The following SLC39A11 variants were observed in gnomAD, a reference collection of about 807,000 sequenced individuals.
The protein encoded by SLC39A11 is solute carrier family 39 member 11, also known as zinc transporter ZIP11.
SLC39A11 carries 33 observed loss-of-function variants against 36.1 expected under a neutral mutation model. The observed-to-expected ratio is 0.91, with a 90% CI of 0.69 to 1.22. The LOEUF is 1.22. SLC39A11 is among the 50% of genes most tolerant of loss of function. The pLI is 0.00. For synonymous variants in SLC39A11, 166 were observed against 170.3 expected, an observed-to-expected ratio of 0.97 and a Z score of 0.20; for missense variants, 432 against 430.3, an observed-to-expected ratio of 1.00 and a Z score of -0.03.
chr17:72,665,387 G>A (rs2070685534), intron 7 of SLC39A11, among the ~76,000 whole-genome samples: 1 of 57,100 alleles, frequency 1.8e-5, no homozygotes, highest in South Asian at 4.8e-4. Context: ...AAGTTTTGAG[G>A]TGTTTTTTTT....
rs372799191 is a variant in SLC39A11 at position 73,088,018 on chromosome 17, T to C, written c.108+639A>G. On this transcript the variant is annotated intron_variant, in intron 2 of 9. Transcript: ENST00000255559. ...TGCTCCAGGCCTGAAAGAAATTACA[T>C]GGCAGGCCAGGCACGGTGGCTCACA... Among the ~76,000 whole-genome samples the C allele has an allele frequency of 9.9e-5, 15 of 152,266 alleles. 1 individual carries two copies. The South Asian group carries it at 2.7e-3, about 27-fold the overall frequency.
chr17:73,064,777 G>C (rs375899688), intron 3 of SLC39A11, among the ~76,000 whole-genome samples: 1 of 152,150 alleles, frequency 6.6e-6, no homozygotes, highest in Non-Finnish European at 1.5e-5. Context: ...CAACCCTGTA[G>C]CCAGCAAACC....
chr17:72,663,503 A>G (rs981198986), intron 7 of SLC39A11, among the ~76,000 whole-genome samples: 7 of 152,148 alleles, frequency 4.6e-5, no homozygotes, highest in African/African-American at 1.7e-4. Context: ...CCTGCTCCTC[A>G]TGGGCCTCTC....
chr17:72,986,929 A>G (rs914819495), intron 4 of SLC39A11, among the ~76,000 whole-genome samples: 1 of 152,236 alleles, frequency 6.6e-6, no homozygotes, highest in African/African-American at 2.4e-5. Flanking sequence ...GGTATTGTCC[A>G]ATAAACCACA....
intron 4 of SLC39A11, among the ~76,000 whole-genome samples, chr17:73,007,927 A>AC (rs2090274852): frequency 1.3e-5 from 2 of 152,068 alleles, no homozygotes; most frequent in Admixed American, 6.6e-5. Context: ...ACATGGTGAA[A>AC]CCCCATCTCA....
intron 7 of SLC39A11, among the ~76,000 whole-genome samples, chr17:72,703,210 G>T (rs904353434): frequency 4.1e-4 from 63 of 152,142 alleles, no homozygotes; most frequent in South Asian, 2.1e-4. Flanking sequence ...GCAATGAAAA[G>T]TCCTGCATGT....
chr17:72,894,837 G>T (rs2081950497), intron 5 of SLC39A11, among the ~76,000 whole-genome samples: 1 of 152,146 alleles, frequency 6.6e-6, no homozygotes, highest in Non-Finnish European at 1.5e-5. Flanking sequence ...GTCAATTTCA[G>T]TGTGGGCCTA....
At chr17:72,925,637 C>T (rs1014920209) in intron 5 of SLC39A11, among the ~76,000 whole-genome samples, 1 of 152,204 alleles carries the variant, frequency 6.6e-6, no homozygotes, top group Non-Finnish European at 1.5e-5. Flanking sequence ...GCAGTACCTG[C>T]CTATTGGCCA....
intron 5 of SLC39A11, among the ~76,000 whole-genome samples, chr17:72,906,717 C>G (rs966026471): frequency 6.6e-6 from 1 of 152,220 alleles, no homozygotes; most frequent in African/African-American, 2.4e-5. Flanking sequence ...TTTCCTTAAA[C>G]AAATCCGATT....
intron 6 of SLC39A11, among the ~76,000 whole-genome samples, chr17:72,739,736 G>C (rs139368194): frequency 1.7e-3 from 263 of 152,268 alleles, no homozygotes; most frequent in African/African-American, 6.2e-3. Context: ...TGGCTGGCTG[G>C]AGTCAGCACC....
intron 5 of SLC39A11, among the ~76,000 whole-genome samples, chr17:72,884,110 C>A (rs1017377050): frequency 6.6e-6 from 1 of 152,114 alleles, no homozygotes; most frequent in African/African-American, 2.4e-5. Flanking sequence ...GCTGTGATCA[C>A]ACCACAAAAC....
At chr17:73,009,997 T>G (rs1288196033) in intron 4 of SLC39A11, among the ~76,000 whole-genome samples, 1 of 152,042 alleles carries the variant, frequency 6.6e-6, no homozygotes, top group Non-Finnish European at 1.5e-5. Context: ...GAGTAGGTTC[T>G]GGAGCCCTCT....
chr17:72,896,192 CTTTTTTTTTTTTTTT>C (rs771180987), intron 5 of SLC39A11, among the ~76,000 whole-genome samples: 7 of 74,554 alleles, frequency 9.4e-5, no homozygotes, highest in African/African-American at 3.7e-4. Flanking sequence ...CACATTAATC[CTTTTTTTTTTTTTTT>C]TTTTTTTTTT....
intron 5 of SLC39A11, among the ~76,000 whole-genome samples, chr17:72,853,313 C>T (rs940430497): frequency 5.9e-5 from 9 of 151,918 alleles, no homozygotes; most frequent in Admixed American, 3.3e-4. Context: ...TAGGTATGAG[C>T]CACTGCACCT....
At chr17:72,873,054 C>CAAAAAAAA (rs1197695347) in intron 5 of SLC39A11, among the ~76,000 whole-genome samples, 1 of 52,052 alleles carries the variant, frequency 1.9e-5, no homozygotes, top group Non-Finnish European at 4.0e-5. Flanking sequence ...GACTCCATCT[C>CAAAAAAAA]AAAAAAAAAA....
chr17:72,674,399 C>G (rs574374374), intron 7 of SLC39A11, among the ~76,000 whole-genome samples: 7 of 152,166 alleles, frequency 4.6e-5, no homozygotes, highest in Non-Finnish European at 8.8e-5. Context: ...TGGCTATATA[C>G]TAATCCATGG....
intron 7 of SLC39A11, chr17:72,712,668 A>G (rs2073159120): frequency 6.9e-6 from 1 of 144,002 alleles, no homozygotes; most frequent in Non-Finnish European, 1.5e-5. Context: ...ACGAAGCTTG[A>G]AGGTAACCCT....
At chr17:72,922,502 T>C (rs1202525638) in intron 5 of SLC39A11, among the ~76,000 whole-genome samples, 2 of 152,212 alleles carry the variant, frequency 1.3e-5, no homozygotes, top group Admixed American at 6.5e-5. Context: ...CATAAGCACA[T>C]GTGTGCACAT....
chr17:73,082,253 A>G (rs1261998479), intron 3 of SLC39A11, among the ~76,000 whole-genome samples: 3 of 151,844 alleles, frequency 2.0e-5, no homozygotes, highest in African/African-American at 7.2e-5. Flanking sequence ...TAATAATGAT[A>G]ACTATTAGTG....
Sources: gnomAD v4.1 joint callset for allele counts (sites outside exome capture counted in the v4.1 genomes callset) on GRCh38, gnomAD v4.1.1 for gene constraint, MANE v1.5 for transcripts, NCBI Gene and HGNC (gene_info 2026-07-23, HGNC 2026-07-21) for gene names.